ANKS1B: variants seen among roughly 807,000 people sequenced by gnomAD.
ANKS1B encodes ankyrin repeat and sterile alpha motif domain containing 1B, also known as ankyrin repeat and sterile alpha motif domain-containing protein 1B.
A neutral mutation model predicts 148.3 loss-of-function variants in ANKS1B; 36 were observed. That is an observed-to-expected ratio of 0.24 (90% CI 0.19 to 0.32). The LOEUF is 0.32. Ranked by LOEUF, ANKS1B falls within the 10% of genes least tolerant of loss-of-function variation. The pLI, the probability that ANKS1B is intolerant of heterozygous loss-of-function variation, is 1.00. For missense variants in ANKS1B, 1,157 were observed against 1,542.6 expected (o/e 0.75, Z 4.19); for synonymous variants, 542 against 560.8 (o/e 0.97, Z 0.47).
chr12:98,799,887 T>G (rs1032359963), intron 21 of ANKS1B, among the ~76,000 whole-genome samples: 1 of 151,850 alleles, frequency 6.6e-6, no homozygotes, highest in East Asian at 1.9e-4. Flanking sequence ...TCTATATATG[T>G]TTTTTAAAAA....
intron 14 of ANKS1B, among the ~76,000 whole-genome samples, chr12:99,165,040 T>C (rs1381031875): frequency 1.3e-5 from 2 of 151,960 alleles, no homozygotes; most frequent in South Asian, 2.1e-4. Flanking sequence ...TGATTAATCA[T>C]AAAAGCAGAG....
In ANKS1B at chr12:99,407,490, C is replaced by G. The variant is rs188268933; in HGVS notation, c.1576-7679G>C. On this transcript the variant is annotated intron_variant, in intron 11 of 26. Transcript: ENST00000683438. ...GACGCCCACTTTCAGCACTCTTATT[C>G]ACCGTCATACTGGAAGTCCTGGCTA... Among the ~76,000 whole-genome samples the G allele has an allele frequency of 2.2e-4, 32 of 145,506 alleles. 4 individuals carry two copies. The highest frequency in any genetic ancestry group is 7.8e-4 in the African/African-American group (30 of 38,374).
chr12:99,420,872 T>C (rs1037723028), intron 11 of ANKS1B, among the ~76,000 whole-genome samples: 6 of 152,206 alleles, frequency 3.9e-5, no homozygotes, highest in Non-Finnish European at 8.8e-5. Flanking sequence ...AAAATTGGTA[T>C]CCTCAATTAA....
At position 99,984,595 on chromosome 12, in the gene ANKS1B, C is replaced by T. The variant is rs1039471302; in HGVS notation, c.-358G>A. On this transcript the variant is annotated 5_prime_UTR_variant, in exon 1 of 27. Coordinates refer to ENST00000683438, the MANE Select transcript of ANKS1B (RefSeq NM_001352186.2). Reference sequence around the variant, plus strand: ...AGGAGCGGGAGGAGGGTGGTGAGGACTGAGGTCGGAGGAGGAGGAGGAGGC... The same window carrying T: ...AGGAGCGGGAGGAGGGTGGTGAGGATTGAGGTCGGAGGAGGAGGAGGAGGC... 23 of 192,632 alleles carry T rather than the reference C, an allele frequency of 1.2e-4. No homozygotes were observed. Among genetic ancestry groups the T allele is most frequent in the Admixed American group, 4.6e-4 (8 of 17,498 alleles). 11.9% of individuals were successfully genotyped at this position (192,632 alleles called of 1,614,324 possible). A position where few individuals can be genotyped will look rare whatever the true frequency, so the allele number is the denominator to read the frequency against.
At chr12:99,253,961 T>C (rs960527286) in intron 12 of ANKS1B, among the ~76,000 whole-genome samples, 3 of 152,178 alleles carry the variant, frequency 2.0e-5, no homozygotes, top group Non-Finnish European at 4.4e-5. Context: ...GAAATCCAAT[T>C]TGTGGGCCAT....
intron 12 of ANKS1B, among the ~76,000 whole-genome samples, chr12:99,347,810 AAT>A (rs1345440918): frequency 2.0e-5 from 3 of 151,592 alleles, no homozygotes. Context: ...TTCCAAAAAA[AAT>A]AATAAAGTGT....
chr12:99,380,885 T>C (rs1463203588), intron 12 of ANKS1B, among the ~76,000 whole-genome samples: 4 of 151,968 alleles, frequency 2.6e-5, no homozygotes. Context: ...CCAGTAGAAA[T>C]CATAATCTCT....
intron 26 of ANKS1B, 50 bp from the exon 27 acceptor site, chr12:98,745,899 G>A (rs780392640): frequency 6.4e-7 from 1 of 1,570,260 alleles, no homozygotes; most frequent in South Asian, 1.2e-5. Flanking sequence ...GCGCGGGTGC[G>A]CGCATGCACG....
intron 10 of ANKS1B, among the ~76,000 whole-genome samples, chr12:99,473,731 A>T (rs1041022219): frequency 6.6e-6 from 1 of 151,946 alleles, no homozygotes; most frequent in Non-Finnish European, 1.5e-5. Context: ...TTTTCAGGGA[A>T]TTGTCTTTGC....
chr12:99,908,614 T>C (rs893115200), intron 1 of ANKS1B, among the ~76,000 whole-genome samples: 1 of 152,042 alleles, frequency 6.6e-6, no homozygotes, highest in African/African-American at 2.4e-5. Flanking sequence ...TAAGATGTGA[T>C]TCAATACATT....
At chr12:99,579,898 T>C (rs1438139215) in intron 9 of ANKS1B, among the ~76,000 whole-genome samples, 3 of 151,982 alleles carry the variant, frequency 2.0e-5, no homozygotes, top group Admixed American at 2.0e-4. Context: ...AAATGTACAC[T>C]CATATGTTCA....
At chr12:99,745,556 A>G (rs7970038) in intron 8 of ANKS1B, among the ~76,000 whole-genome samples, 32,245 of 152,042 alleles carry the variant, frequency 0.21, 3,620 homozygotes, top group Middle Eastern at 0.25. Context: ...AGCAGCCTCA[A>G]TTTTCTATCT....
intron 17 of ANKS1B, among the ~76,000 whole-genome samples, chr12:98,952,319 C>T (rs1296414617): frequency 6.6e-6 from 1 of 152,222 alleles, no homozygotes; most frequent in Non-Finnish European, 1.5e-5. Flanking sequence ...GGCACTGGAA[C>T]CTTGGCCTCC....
At chr12:98,735,252 T>A in exon 10 of ANKS1B, 1 of 399,444 alleles carries the variant, frequency 2.5e-6, no homozygotes, top group Non-Finnish European at 4.4e-6. Flanking sequence ...TTTTTTTGTA[T>A]TATAAATTAC....
intron 1 of ANKS1B, among the ~76,000 whole-genome samples, chr12:99,891,983 T>C (rs1317682860): frequency 6.6e-6 from 1 of 152,124 alleles, no homozygotes; most frequent in Non-Finnish European, 1.5e-5. Flanking sequence ...TAATACTATG[T>C]TTGAAATTTC....
intron 1 of ANKS1B, among the ~76,000 whole-genome samples, chr12:99,919,779 T>TAAAAA (rs61076587): frequency 0.11 from 15,016 of 134,162 alleles, 1,130 homozygotes; most frequent in African/African-American, 0.2. Context: ...GCTGCAGAGT[T>TAAAAA]AAAAAAAAAA....
intron 8 of ANKS1B, among the ~76,000 whole-genome samples, chr12:99,722,886 C>A (rs377039697): frequency 7.2e-5 from 11 of 152,012 alleles, no homozygotes; most frequent in Non-Finnish European, 1.6e-4. Flanking sequence ...AGAAAGGAAG[C>A]GCAGTGGTGC....
chr12:99,141,337 C>G (rs1316236225), intron 15 of ANKS1B, among the ~76,000 whole-genome samples: 1 of 151,976 alleles, frequency 6.6e-6, no homozygotes, highest in Non-Finnish European at 1.5e-5. Context: ...ACAGAATGTG[C>G]TCTTGTTAAG....
intron 8 of ANKS1B, among the ~76,000 whole-genome samples, chr12:99,676,215 G>A (rs553186546): frequency 1.3e-5 from 2 of 152,214 alleles, no homozygotes; most frequent in South Asian, 2.1e-4. Context: ...CAGCCCTGTG[G>A]AACTGTGAGT....
Sources: gnomAD v4.1 joint callset for allele counts (sites outside exome capture counted in the v4.1 genomes callset) on GRCh38, gnomAD v4.1.1 for gene constraint, MANE v1.5 for transcripts, NCBI Gene and HGNC (gene_info 2026-07-23, HGNC 2026-07-21) for gene names.